The following CNTN3 variants were observed in gnomAD, a reference collection of about 807,000 sequenced individuals.
CNTN3 encodes the protein contactin-3.
In CNTN3, 60 loss-of-function variants were observed where a neutral mutation model predicts 119.1. The ratio of observed to expected loss-of-function variants is 0.50; its 90% confidence interval spans 0.41 to 0.62. The LOEUF is 0.62. Ranked by LOEUF, CNTN3 falls within the 20% of genes least tolerant of loss-of-function variation. The pLI is 0.00. For synonymous variants in CNTN3, 450 were observed against 438.7 expected (o/e 1.03, Z -0.32); for missense variants, 1,101 against 1,242.4 (o/e 0.89, Z 1.71).
At chr3:74,592,484 C>T (rs1477482780) in intron 1 of CNTN3, among the ~76,000 whole-genome samples, 1 of 142,040 alleles carries the variant, frequency 7.0e-6, no homozygotes, top group East Asian at 2.0e-4. Context: ...AACACACACA[C>T]ACACACACAC....
intron 11 of CNTN3, among the ~76,000 whole-genome samples, chr3:74,345,481 ATGAGAAATGG>A (rs1703667434): frequency 1.3e-5 from 2 of 152,238 alleles, no homozygotes; most frequent in South Asian, 4.1e-4. Context: ...GTGAGAAATA[ATGAGAAATGG>A]TGAGAAATAA....
At chr3:74,294,508 G>A (rs568285738) in intron 19 of CNTN3, among the ~76,000 whole-genome samples, 1 of 152,018 alleles carries the variant, frequency 6.6e-6, no homozygotes, top group Non-Finnish European at 1.5e-5. Flanking sequence ...ACTTTGCCTT[G>A]AAAGTCCTGT....
chr3:74,550,056 T>C (rs1000081337), intron 1 of CNTN3, among the ~76,000 whole-genome samples: 2 of 152,090 alleles, frequency 1.3e-5, no homozygotes, highest in African/African-American at 4.8e-5. Context: ...GTCATAAGTC[T>C]AGGTAGGCAC....
intron 5 of CNTN3, among the ~76,000 whole-genome samples, chr3:74,381,066 T>TC (rs1704608667): frequency 6.9e-6 from 1 of 145,484 alleles, no homozygotes; most frequent in African/African-American, 2.5e-5. Context: ...TTTTTTTTTC[T>TC]CTCTCTCTCT....
intron 5 of CNTN3, among the ~76,000 whole-genome samples, chr3:74,381,798 A>C (rs1704630537): frequency 1.3e-5 from 2 of 152,340 alleles, no homozygotes; most frequent in South Asian, 4.1e-4. Context: ...TAGCTAAAAA[A>C]AAGCCCTCCT....
rs1323759682 is a variant in CNTN3 at position 74,368,316 on chromosome 3, G to T, written c.946+873C>A. Among the ~76,000 whole-genome samples the T allele has an allele frequency of 2.0e-5, 3 of 152,002 alleles. No homozygotes were observed. The East Asian group carries it at 5.8e-4, about 29-fold the overall frequency. ...ACATGCACATATGCTATCCAAGGACGTGTTGCAAGATGTTTCAATTTCCAA... is the reference window on the plus strand; with the variant it reads ...ACATGCACATATGCTATCCAAGGACTTGTTGCAAGATGTTTCAATTTCCAA... On this transcript the variant is annotated intron_variant, in intron 8 of 22. Coordinates refer to ENST00000263665, the MANE Select transcript of CNTN3 (RefSeq NM_020872.3).
chr3:74,340,221 A>G (rs770302799), intron 11 of CNTN3, among the ~76,000 whole-genome samples: 44 of 152,148 alleles, frequency 2.9e-4, no homozygotes, highest in Admixed American at 7.9e-4. Context: ...GGTCTGGTGG[A>G]TATCAAGGAA....
chr3:74,391,990 C>A (rs1253515030), intron 5 of CNTN3, among the ~76,000 whole-genome samples: 1 of 152,050 alleles, frequency 6.6e-6, no homozygotes, highest in Non-Finnish European at 1.5e-5. Context: ...AAGACATTGT[C>A]TTCTAATTTC....
chr3:74,364,307 A>G (rs1704140723), intron 10 of CNTN3, among the ~76,000 whole-genome samples, 160 bp downstream of exon 10: 1 of 152,132 alleles, frequency 6.6e-6, no homozygotes, highest in Non-Finnish European at 1.5e-5. Flanking sequence ...AGAAACTGTT[A>G]AAAGGTATGC....
chr3:74,517,961 T>C (rs1455140811), intron 2 of CNTN3, among the ~76,000 whole-genome samples: 3 of 151,996 alleles, frequency 2.0e-5, no homozygotes, highest in Non-Finnish European at 4.4e-5. Context: ...ATGAGTACTT[T>C]AAGACAGCTT....
chr3:74,589,527 A>G (rs1704661649), intron 1 of CNTN3, among the ~76,000 whole-genome samples: 1 of 145,758 alleles, frequency 6.9e-6, no homozygotes, highest in South Asian at 2.3e-4. Context: ...AACTAGTTCA[A>G]CCATTGTGGA....
At chr3:74,387,814 C>A (rs372573880) in intron 5 of CNTN3, among the ~76,000 whole-genome samples, 2 of 152,176 alleles carry the variant, frequency 1.3e-5, no homozygotes, top group East Asian at 3.9e-4. Flanking sequence ...TGGGTGGTAT[C>A]CAGATATTAA....
chr3:74,452,894 G>C (rs375938841), intron 4 of CNTN3, among the ~76,000 whole-genome samples: 44,181 of 151,136 alleles, frequency 0.29, 6,545 homozygotes, highest in Non-Finnish European at 0.33. Flanking sequence ...TAAGCTTTTT[G>C]ATGTGCTGCT....
intron 13 of CNTN3, among the ~76,000 whole-genome samples, chr3:74,322,188 A>T (rs1703012498): frequency 6.9e-6 from 1 of 145,406 alleles, no homozygotes; most frequent in Admixed American, 6.9e-5. Flanking sequence ...AAAAAAAAAA[A>T]GATGTTAACA....
At chr3:74,554,512 T>C (rs1413269108) in intron 1 of CNTN3, among the ~76,000 whole-genome samples, 1 of 152,230 alleles carries the variant, frequency 6.6e-6, no homozygotes, top group Admixed American at 6.5e-5. Context: ...TTGGGCAGTA[T>C]GGCCATTTTC....
rs1428766000 is a variant in CNTN3 at position 74,285,813 on chromosome 3, A to G, written c.2518-322T>C. ...GAGATATATATATATATATATATAT[A>G]TATATATATATATATATATATATAT... On this transcript the variant is annotated intron_variant, in intron 19 of 22. Transcript: ENST00000263665. Among the ~76,000 whole-genome samples the G allele has an allele frequency of 6.3e-5, 7 of 111,900 alleles. 1 individual carries two copies. Among genetic ancestry groups the G allele is most frequent in the Non-Finnish European group, 1.2e-4 (7 of 58,870 alleles). 73.4% of individuals were successfully genotyped at this position (111,900 alleles called of 152,430 possible).
At chr3:74,302,606 T>C (rs1442636594) in intron 14 of CNTN3, 84 bp downstream of exon 14, 5 of 802,788 alleles carry the variant, frequency 6.2e-6, no homozygotes, top group East Asian at 2.5e-5. Flanking sequence ...TATGCTCACA[T>C]ACTATCTCAT....
intron 20 of CNTN3, among the ~76,000 whole-genome samples, chr3:74,276,475 T>C (rs555052): frequency 0.47 from 71,959 of 151,886 alleles, 17,264 homozygotes; most frequent in East Asian, 0.71. Flanking sequence ...TGGAAATCAA[T>C]TCCAAAAGGA....
chr3:74,298,196 A>G lies in CNTN3; in HGVS notation c.2167-5T>C, dbSNP rs543683676. Reference sequence around the variant, plus strand: ...CTGTAGTTCTTCAGGGACTGGCTATAAAGGAAAGACATACTGAATCACCCT... The same window carrying G: ...CTGTAGTTCTTCAGGGACTGGCTATGAAGGAAAGACATACTGAATCACCCT... On this transcript the variant is annotated splice_region_variant and splice_polypyrimidine_tract_variant and intron_variant, in intron 17 of 22. Transcript: ENST00000263665. The G allele has an allele frequency of 1.2e-5, 19 of 1,559,448 alleles. No homozygotes were observed. In the African/African-American group the frequency reaches 2.6e-4, roughly 21 times the overall value.
Sources: gnomAD v4.1 joint callset for allele counts (sites outside exome capture counted in the v4.1 genomes callset) on GRCh38, gnomAD v4.1.1 for gene constraint, MANE v1.5 for transcripts, NCBI Gene and HGNC (gene_info 2026-07-23, HGNC 2026-07-21) for gene names.